GREM2: variants seen among roughly 807,000 people sequenced by gnomAD.
The protein encoded by GREM2 is gremlin-2.
GREM2 carries 11 observed loss-of-function variants against 14.2 expected under a neutral mutation model. That is an observed-to-expected ratio of 0.78 (90% confidence interval 0.49 to 1.28). The LOEUF (loss-of-function observed/expected upper bound fraction) is 1.28, where lower values mean the gene tolerates loss of function less well. GREM2 is among the 50% of genes most tolerant of loss of function. The probability of loss-of-function intolerance (pLI) is 0.00; values close to 1 mark genes in which losing one functional copy is unlikely to be tolerated. For synonymous variants in GREM2, 98 were observed against 97.6 expected, an observed-to-expected ratio of 1.00 and a Z score of -0.02; for missense variants, 210 against 218.5, an observed-to-expected ratio of 0.96 and a Z score of 0.24.
chr1:240,536,307 C>A (rs938323084), intron 1 of GREM2, among the ~76,000 whole-genome samples: 2 of 152,054 alleles, frequency 1.3e-5, no homozygotes, highest in Admixed American at 1.3e-4. Flanking sequence ...ATAACAAATC[C>A]TGAAGTAAGG....
At position 240,543,247 on chromosome 1, in the gene GREM2, T is replaced by C. The variant is rs1454719566; in HGVS notation, c.-1-49771A>G. Among the ~76,000 whole-genome samples the C allele has an allele frequency of 3.3e-5, 5 of 152,210 alleles. No homozygotes were observed. The highest frequency in any genetic ancestry group is 2.0e-4 in the Admixed American group (3 of 15,284). On this transcript the variant is annotated intron_variant, in intron 1 of 1. Coordinates refer to ENST00000318160, the MANE Select transcript of GREM2 (RefSeq NM_022469.4). The surrounding 1 kb of genome is among the most constrained non-coding windows in gnomAD (Gnocchi z 6.4). ...AAAATGCACTGTAAAATGTGTTAGG[T>C]AATCTATTAGTCTGTCGTCATGCTG...
chr1:240,592,501 G>A (rs1360982769), intron 1 of GREM2, among the ~76,000 whole-genome samples: 2 of 152,210 alleles, frequency 1.3e-5, no homozygotes, highest in East Asian at 3.9e-4. Flanking sequence ...GATATCCTCT[G>A]ACAAATAAGG....
chr1:240,517,140 C>T (rs1339792452), intron 1 of GREM2, among the ~76,000 whole-genome samples: 1 of 152,122 alleles, frequency 6.6e-6, no homozygotes, highest in Non-Finnish European at 1.5e-5. Flanking sequence ...ACCATGAAGT[C>T]CCATTTTCCA....
At chr1:240,526,055 T>C (rs1678215284) in intron 1 of GREM2, among the ~76,000 whole-genome samples, 1 of 152,168 alleles carries the variant, frequency 6.6e-6, no homozygotes, top group Admixed American at 6.6e-5. Context: ...CTTTAAGGAC[T>C]CACGTGTTTA....
At chr1:240,561,634 T>G (rs1360397760) in intron 1 of GREM2, among the ~76,000 whole-genome samples, 1 of 151,884 alleles carries the variant, frequency 6.6e-6, no homozygotes, top group East Asian at 1.9e-4. Context: ...AAGAATTATT[T>G]GAGACCTTTG....
chr1:240,524,572 G>C (rs962949140), intron 1 of GREM2, among the ~76,000 whole-genome samples: 1 of 152,172 alleles, frequency 6.6e-6, no homozygotes, highest in Non-Finnish European at 1.5e-5. Flanking sequence ...TGGGTTAATT[G>C]CTCACAGTAC....
At chr1:240,590,435 T>C (rs1679685396) in intron 1 of GREM2, among the ~76,000 whole-genome samples, 2 of 151,078 alleles carry the variant, frequency 1.3e-5, no homozygotes, top group South Asian at 2.1e-4. Flanking sequence ...TTCTTTCTTT[T>C]TTTTTTTTTT....
intron 1 of GREM2, among the ~76,000 whole-genome samples, chr1:240,557,170 T>TAA (rs200102958): frequency 0.032 from 4,450 of 139,352 alleles, 135 homozygotes; most frequent in African/African-American, 0.08. Flanking sequence ...TCTGTCTCCA[T>TAA]AAAAAAAAAA....
At chr1:240,596,819 C>G (rs1038794806) in intron 1 of GREM2, among the ~76,000 whole-genome samples, 15 of 152,082 alleles carry the variant, frequency 9.9e-5, no homozygotes, top group African/African-American at 3.1e-4. Context: ...CCGTTAGTCA[C>G]GTAGATGTAC....
At chr1:240,504,871 A>G (rs184660011) in intron 1 of GREM2, among the ~76,000 whole-genome samples, 33 of 152,302 alleles carry the variant, frequency 2.2e-4, no homozygotes, top group Non-Finnish European at 4.3e-4. Context: ...ACATTGTATT[A>G]TATTCTATTT....
At chr1:240,600,305 A>G (rs982502685) in intron 1 of GREM2, among the ~76,000 whole-genome samples, 3 of 152,118 alleles carry the variant, frequency 2.0e-5, no homozygotes, top group African/African-American at 7.2e-5. Context: ...GAGTGGAGAA[A>G]GCAGAAAAAA....
chr1:240,538,079 A>G (rs2103322703), intron 1 of GREM2, among the ~76,000 whole-genome samples: 1 of 152,348 alleles, frequency 6.6e-6, no homozygotes, highest in South Asian at 2.1e-4. Context: ...AAGTAATGAC[A>G]GTCAATAAAT....
intron 1 of GREM2, among the ~76,000 whole-genome samples, chr1:240,535,485 A>T (rs1488737409): frequency 6.6e-6 from 1 of 152,206 alleles, no homozygotes; most frequent in Non-Finnish European, 1.5e-5. Context: ...TGGTAAACCA[A>T]TGTTTAAAGG....
chr1:240,592,205 A>AATTAGCAC (rs144411877), intron 1 of GREM2, among the ~76,000 whole-genome samples: 2,110 of 152,298 alleles, frequency 0.014, 30 homozygotes, highest in South Asian at 0.02. Context: ...AAATATTACT[A>AATTAGCAC]ATTAGCACAT....
rs538497375 is a variant in GREM2, at chr1:240,535,991, T to C, written c.-1-42515A>G. ...AAAGACTGAAGTGAGCCCTCTGAGT[T>C]TGGGAACACGTAGGACCTGACTGCA... On this transcript the variant is annotated intron_variant, in intron 1 of 1. Transcript: ENST00000318160. 7.9e-5 allele frequency among the ~76,000 whole-genome samples: 12 copies of C among 152,000 alleles called. No individual in the cohort carries two copies. In the East Asian group the frequency reaches 1.6e-3, roughly 20 times the overall value.
chr1:240,602,089 C>T (rs970012509), intron 1 of GREM2, among the ~76,000 whole-genome samples: 4 of 152,150 alleles, frequency 2.6e-5, no homozygotes, highest in African/African-American at 7.2e-5. Flanking sequence ...AATATCTTGG[C>T]ATCCTTTAAT....
intron 1 of GREM2, among the ~76,000 whole-genome samples, chr1:240,564,947 G>C (rs1158254001): frequency 6.6e-6 from 1 of 152,136 alleles, no homozygotes; most frequent in African/African-American, 2.4e-5. Context: ...AGCCTTCCAG[G>C]ACTGGAACCC....
At chr1:240,537,716 C>T (rs1038438536) in intron 1 of GREM2, among the ~76,000 whole-genome samples, 24 of 152,160 alleles carry the variant, frequency 1.6e-4, no homozygotes, top group Admixed American at 3.9e-4. Flanking sequence ...ATCCAGGAGG[C>T]GGAGGTTGCA....
At chr1:240,515,984 T>C (rs1435644199) in intron 1 of GREM2, among the ~76,000 whole-genome samples, 2 of 152,200 alleles carry the variant, frequency 1.3e-5, no homozygotes, top group Non-Finnish European at 2.9e-5. Context: ...ATTGAAATCA[T>C]GGATCTTTCT....
Sources: allele counts gnomAD v4.1 joint callset (sites outside exome capture counted in the v4.1 genomes callset), GRCh38; gene constraint gnomAD v4.1.1; non-coding constraint Gnocchi (gnomAD v3.1); transcripts MANE v1.5; gene names NCBI Gene and HGNC (gene_info 2026-07-23, HGNC 2026-07-21).